MKLN1: variants seen among roughly 807,000 people sequenced by gnomAD.
The protein encoded by MKLN1 is muskelin.
Under a neutral mutation model 99.0 loss-of-function variants are expected in MKLN1, and 18 were observed. The observed-to-expected ratio is 0.18, with a 90% CI of 0.13 to 0.27. The LOEUF is 0.27. Among genes scored for constraint, MKLN1 ranks in the 10% least tolerant of loss-of-function variants. The pLI is 1.00. For missense variants in MKLN1, 621 were observed against 875.9 expected, an observed-to-expected ratio of 0.71 and a Z score of 3.67; for synonymous variants, 288 against 293.2, an observed-to-expected ratio of 0.98 and a Z score of 0.18.
intron 3 of MKLN1, among the ~76,000 whole-genome samples, chr7:131,222,082 A>C (rs571172825): frequency 1.3e-5 from 2 of 150,820 alleles, no homozygotes; most frequent in Admixed American, 6.6e-5. Context: ...ATTTTAGTAG[A>C]GATGGGGTTT....
intron 8 of MKLN1, among the ~76,000 whole-genome samples, chr7:131,426,275 C>G (rs952509474): frequency 6.6e-6 from 1 of 152,098 alleles, no homozygotes; most frequent in African/African-American, 2.4e-5. Flanking sequence ...AGTTAATGAA[C>G]CAGGGTAACC....
chr7:131,126,867 T>G (rs75244260), intron 1 of MKLN1, among the ~76,000 whole-genome samples: 12,028 of 152,192 alleles, frequency 0.079, 579 homozygotes, highest in Admixed American at 0.16. Context: ...ATGTTGATCT[T>G]AGAATAGAAG....
At chr7:131,363,158 A>G (rs769954520) in intron 1 of MKLN1, among the ~76,000 whole-genome samples, 2 of 151,618 alleles carry the variant, frequency 1.3e-5, no homozygotes, top group Non-Finnish European at 2.9e-5. Context: ...GGAGGAGGGG[A>G]TAGACCAGTG....
intron 9 of MKLN1, among the ~76,000 whole-genome samples, chr7:131,430,943 C>T (rs1253301560): frequency 5.3e-5 from 8 of 152,142 alleles, no homozygotes; most frequent in South Asian, 2.1e-4. Flanking sequence ...AAAACAAGGC[C>T]GGGCACAGTG....
chr7:131,472,929 C>G (rs1341314782), intron 16 of MKLN1, among the ~76,000 whole-genome samples: 2 of 113,858 alleles, frequency 1.8e-5, no homozygotes, highest in Non-Finnish European at 3.3e-5. Flanking sequence ...GCCTGGGCGA[C>G]AGAGCAAGAT....
intron 12 of MKLN1, among the ~76,000 whole-genome samples, chr7:131,460,997 T>C (rs1796498392): frequency 6.6e-6 from 1 of 152,188 alleles, no homozygotes. Flanking sequence ...CCATGCCTTA[T>C]TAAGAAAATA....
In MKLN1 at chr7:131,405,804, C is replaced by G. The variant is rs1393409126; in HGVS notation, c.704-5502C>G. Among the ~76,000 whole-genome samples the G allele has an allele frequency of 3.3e-5, 5 of 151,980 alleles. No individual in the cohort carries two copies. The East Asian group carries it at 9.6e-4, about 29-fold the overall frequency. On this transcript the variant is annotated intron_variant, in intron 6 of 17. Coordinates refer to ENST00000352689, the MANE Select transcript of MKLN1 (RefSeq NM_013255.5). ...AGTGCATATCCTGTATGTTTCCAGT[C>G]CTTTGAAATTTAATGAGACTTGCTA...
At chr7:131,341,503 T>C (rs1012414596) in intron 1 of MKLN1, among the ~76,000 whole-genome samples, 1 of 152,242 alleles carries the variant, frequency 6.6e-6, no homozygotes, top group African/African-American at 2.4e-5. Context: ...TATTGTATCA[T>C]GTATCAGTAC....
Position 131,397,320 on chromosome 7 carries a change from C to T in MKLN1, c.454C>T (p.Leu152Phe), listed in dbSNP as rs188538502. 9.3e-6 allele frequency: 15 copies of T among 1,613,368 alleles called. No homozygotes were observed. The African/African-American group carries it at 1.6e-4, about 17-fold the overall frequency. The change falls in exon 5 of 18, where the codon CTT (leucine) becomes TTT (phenylalanine). Residue 152 changes from leucine (L) to phenylalanine (F), a missense_variant. Leu to Phe is a conservative substitution (Grantham distance 22, BLOSUM62 0). Transcript: ENST00000352689. ...TAACTTTAGCATCTGGTATGTTGAA[C>T]TTAGTGGCATTGATGATCCTGATAT... ...SFNFSIWYVE[L>F]SGIDDPDIVQ...
chr7:131,269,677 T>G (rs1429649314), intron 3 of MKLN1, among the ~76,000 whole-genome samples: 1 of 152,240 alleles, frequency 6.6e-6, no homozygotes. Flanking sequence ...TTTCTTCCTG[T>G]TTCTCTCATT....
At chr7:131,184,147 T>A (rs921202990) in intron 2 of MKLN1, among the ~76,000 whole-genome samples, 3 of 152,112 alleles carry the variant, frequency 2.0e-5, no homozygotes, top group Admixed American at 6.6e-5. Context: ...TTTAGTTTTT[T>A]TAGAGACAGG....
At chr7:131,199,837 G>T (rs980630396) in intron 2 of MKLN1, among the ~76,000 whole-genome samples, 3 of 151,868 alleles carry the variant, frequency 2.0e-5, no homozygotes, top group African/African-American at 7.3e-5. Flanking sequence ...GGGACTACAG[G>T]TGCGTGCCAC....
chr7:131,284,646 T>C (rs931462553), intron 3 of MKLN1, among the ~76,000 whole-genome samples: 4 of 152,198 alleles, frequency 2.6e-5, no homozygotes, highest in Non-Finnish European at 5.9e-5. Context: ...GCCAGCTACG[T>C]GAATAGGGTG....
At chr7:131,217,746 T>G (rs192208443) in intron 3 of MKLN1, among the ~76,000 whole-genome samples, 3 of 151,570 alleles carry the variant, frequency 2.0e-5, no homozygotes, top group Admixed American at 2.0e-4. Context: ...CTTAAAAGAG[T>G]GTTAGTTTGA....
chr7:131,174,952 ATGAT>A (rs1176015822), intron 2 of MKLN1, among the ~76,000 whole-genome samples: 1 of 128,540 alleles, frequency 7.8e-6, no homozygotes, highest in Non-Finnish European at 1.6e-5. Context: ...TAACTGGTAG[ATGAT>A]AGATAGATAG....
intron 6 of MKLN1, among the ~76,000 whole-genome samples, chr7:131,400,266 TA>T (rs992432419): frequency 9.3e-5 from 14 of 150,210 alleles, no homozygotes; most frequent in African/African-American, 2.9e-4. Context: ...ATTGGGTAGC[TA>T]AAAAAAAACC....
chr7:131,115,689 C>G (rs1325377873), intron 1 of MKLN1, among the ~76,000 whole-genome samples: 2 of 152,150 alleles, frequency 1.3e-5, no homozygotes, highest in African/African-American at 2.4e-5. Flanking sequence ...CACTCTCCAC[C>G]ACCGCAGTGA....
intron 3 of MKLN1, among the ~76,000 whole-genome samples, chr7:131,241,013 C>G (rs1306540892): frequency 6.6e-6 from 1 of 152,178 alleles, no homozygotes; most frequent in East Asian, 1.9e-4. Flanking sequence ...TGATATTCAT[C>G]CCATGGGCCA....
intron 3 of MKLN1, among the ~76,000 whole-genome samples, chr7:131,209,545 T>TG (rs1796869162): frequency 6.6e-6 from 1 of 152,152 alleles, no homozygotes; most frequent in African/African-American, 2.4e-5. Context: ...GGGCACTGGG[T>TG]GGATGGTGAT....
Sources: allele counts gnomAD v4.1 joint callset (sites outside exome capture counted in the v4.1 genomes callset), GRCh38; gene constraint gnomAD v4.1.1; transcripts MANE v1.5; gene names NCBI Gene and HGNC (gene_info 2026-07-23, HGNC 2026-07-21).